STK3: variants seen among roughly 807,000 people sequenced by gnomAD.
STK3 encodes the protein serine/threonine kinase 3.
Under a neutral mutation model 58.0 loss-of-function variants are expected in STK3, and 41 were observed. The ratio of observed to expected loss-of-function variants is 0.71; its 90% CI spans 0.55 to 0.92. The LOEUF (loss-of-function observed/expected upper bound fraction) is 0.92. Among genes scored for constraint, STK3 ranks in the 40% least tolerant of loss-of-function variants. The probability of loss-of-function intolerance (pLI) is 0.00; values close to 1 mark genes in which losing one functional copy is unlikely to be tolerated. For synonymous variants in STK3, 170 were observed against 191.0 expected (o/e 0.89, Z 0.91); for missense variants, 479 against 602.7 (o/e 0.79, Z 2.15).
chr8:98,813,136 T>C (rs571007904), intron 1 of STK3, among the ~76,000 whole-genome samples: 1 of 152,258 alleles, frequency 6.6e-6, no homozygotes, highest in East Asian at 1.9e-4. Context: ...GACAAATGCT[T>C]TACAATCAAT....
At chr8:98,417,235 C>T (rs1818125020) in intron 3 of STK3, among the ~76,000 whole-genome samples, 2 of 152,164 alleles carry the variant, frequency 1.3e-5, no homozygotes, top group Admixed American at 6.5e-5. Flanking sequence ...ATAGTTTTGG[C>T]CGGGTGCGGT....
At chr8:98,751,650 TAATC>T (rs1447731905) in intron 3 of STK3, among the ~76,000 whole-genome samples, 2 of 152,016 alleles carry the variant, frequency 1.3e-5, no homozygotes, top group East Asian at 1.9e-4. Flanking sequence ...GGGATAGAAA[TAATC>T]AATATCATTA....
chr8:98,634,316 G>T (rs1278413110), intron 6 of STK3, among the ~76,000 whole-genome samples: 1 of 151,984 alleles, frequency 6.6e-6, no homozygotes, highest in Non-Finnish European at 1.5e-5. Context: ...GTGAAACCCT[G>T]TCTCTAAAAG....
At chr8:98,477,833 G>C (rs888346381) in intron 10 of STK3, among the ~76,000 whole-genome samples, 18 of 151,312 alleles carry the variant, frequency 1.2e-4, no homozygotes, top group Non-Finnish European at 1.9e-4. Flanking sequence ...ACGTTTGGTG[G>C]GGTCAGGGGT....
intron 6 of STK3, chr8:98,597,836 A>C (rs1392871527): frequency 5.8e-5 from 57 of 985,062 alleles, no homozygotes; most frequent in South Asian, 4.7e-5. Flanking sequence ...AAAAAAAAAA[A>C]CACATATGAA....
chr8:98,820,851 G>A (rs1013213894), intron 1 of STK3, among the ~76,000 whole-genome samples: 1 of 152,108 alleles, frequency 6.6e-6, no homozygotes, highest in Admixed American at 6.5e-5. Context: ...GGTGGCAGGC[G>A]CCTGCAGTCC....
At chr8:98,894,828 A>ACACTC (rs1838389769) in intron 1 of STK3, among the ~76,000 whole-genome samples, 1 of 152,236 alleles carries the variant, frequency 6.6e-6, no homozygotes, top group African/African-American at 2.4e-5. Flanking sequence ...TCTGTGAAGT[A>ACACTC]GAGGTCTTTG....
chr8:98,803,031 G>A (rs569642464), intron 1 of STK3, among the ~76,000 whole-genome samples: 1 of 152,256 alleles, frequency 6.6e-6, no homozygotes. Flanking sequence ...TGCAGGTAAA[G>A]GTTTTAGAAT....
intron 3 of STK3, among the ~76,000 whole-genome samples, chr8:98,834,039 C>G (rs943778196): frequency 1.3e-5 from 2 of 152,136 alleles, no homozygotes; most frequent in African/African-American, 4.8e-5. Context: ...ATTGAGACAG[C>G]AATCACATTC....
At chr8:98,523,320 T>G (rs553564643) in intron 10 of STK3, among the ~76,000 whole-genome samples, 10 of 152,176 alleles carry the variant, frequency 6.6e-5, no homozygotes, top group Non-Finnish European at 1.2e-4. Context: ...TCTTTTCATG[T>G]GTTTATTAGC....
upstream of STK3, among the ~76,000 whole-genome samples, chr8:98,388,775 G>A (rs1720235949): frequency 6.6e-6 from 1 of 152,180 alleles, no homozygotes; most frequent in Non-Finnish European, 1.5e-5. Context: ...TAGATAATTT[G>A]CTGATTGACT....
At chr8:98,893,707 C>T (rs1249163290) in intron 1 of STK3, among the ~76,000 whole-genome samples, 1 of 152,088 alleles carries the variant, frequency 6.6e-6, no homozygotes, top group Non-Finnish European at 1.5e-5. Flanking sequence ...AGGTGGTTTT[C>T]CTCTGCATGG....
downstream of STK3, among the ~76,000 whole-genome samples, chr8:98,397,146 C>T (rs993634620): frequency 6.6e-6 from 1 of 152,164 alleles, no homozygotes; most frequent in Non-Finnish European, 1.5e-5. Context: ...CTGAGTTTTA[C>T]TCCTAGAAAG....
intron 4 of STK3, among the ~76,000 whole-genome samples, chr8:98,725,453 A>G (rs1397112692): frequency 6.6e-6 from 1 of 152,176 alleles, no homozygotes; most frequent in African/African-American, 2.4e-5. Context: ...AAAGGAATGA[A>G]GCAGTTAAAA....
At chr8:98,872,917 T>C (rs1320505274) in intron 3 of STK3, among the ~76,000 whole-genome samples, 7 of 152,218 alleles carry the variant, frequency 4.6e-5, no homozygotes, top group African/African-American at 1.7e-4. Flanking sequence ...TCTAGTTCTT[T>C]TATTTGTGAT....
chr8:98,452,389 T>C (rs1174137851), downstream of STK3, among the ~76,000 whole-genome samples: 1 of 152,380 alleles, frequency 6.6e-6, no homozygotes, highest in South Asian at 2.1e-4. Flanking sequence ...CTCCAATTTG[T>C]ATTTGCCAAA....
At chr8:98,510,160 G>A (rs967710930) in intron 10 of STK3, among the ~76,000 whole-genome samples, 2 of 152,062 alleles carry the variant, frequency 1.3e-5, no homozygotes, top group African/African-American at 2.4e-5. Flanking sequence ...ATTCTAATAC[G>A]TAATGGATTT....
chr8:98,419,748 T>A (rs1486163588), intron 3 of STK3, among the ~76,000 whole-genome samples: 1 of 152,218 alleles, frequency 6.6e-6, no homozygotes, highest in Admixed American at 6.5e-5. Context: ...GTTTCTATGA[T>A]CTGCTTCTTC....
At chr8:98,827,543 TCACTATGTAATAAACTTA>T (rs1243987426), upstream of STK3, among the ~76,000 whole-genome samples, 2 of 152,238 alleles carry the variant, frequency 1.3e-5, no homozygotes, top group Non-Finnish European at 2.9e-5. Context: ...ATTTTAAGTT[TCACTATGTAATAAACTTA>T]CACTATTTTC....
Sources: allele counts gnomAD v4.1 joint callset (sites outside exome capture counted in the v4.1 genomes callset), GRCh38; gene constraint gnomAD v4.1.1; transcripts MANE v1.5; gene names NCBI Gene and HGNC (gene_info 2026-07-23, HGNC 2026-07-21).